SLC19A1: variants seen among roughly 807,000 people sequenced by gnomAD.
The protein encoded by SLC19A1 is solute carrier family 19 member 1.
A neutral mutation model predicts 35.3 loss-of-function variants in SLC19A1; 37 were observed. The ratio of observed to expected loss-of-function variants is 1.05; its 90% CI spans 0.81 to 1.38. SLC19A1 has a LOEUF of 1.38. SLC19A1 is among the 40% of genes most tolerant of loss of function. The pLI, the probability that SLC19A1 is intolerant of heterozygous loss-of-function variation, is 0.00. For synonymous variants in SLC19A1, 460 were observed against 398.5 expected, an observed-to-expected ratio of 1.15 and a Z score of -1.84; for missense variants, 831 against 826.9, an observed-to-expected ratio of 1.00 and a Z score of -0.06.
At chr21:45,521,973 A>T (rs1055781212) in intron 5 of SLC19A1, among the ~76,000 whole-genome samples, 1 of 152,230 alleles carries the variant, frequency 6.6e-6, no homozygotes, top group African/African-American at 2.4e-5. Context: ...AAAACTGTTA[A>T]ATCAGAGCTC....
chr21:45,507,311 CCCT>C (rs1373160035), intron 3 of SLC19A1: 2 of 567,758 alleles, frequency 3.5e-6, no homozygotes, highest in African/African-American at 4.0e-5. Context: ...AGGGAGGGCA[CCCT>C]CCTGTGGGCT....
intron 1 of SLC19A1, among the ~76,000 whole-genome samples, chr21:45,553,776 ACCCCCTCCCAATCCCCCACG>A (rs2078498102): frequency 1.8e-3 from 1 of 570 alleles, no homozygotes; most frequent in South Asian, 0.056. Flanking sequence ...AGTCCCCCAC[ACCCCCTCCCAATCCCCCACG>A]CCCCCTCCCA....
intron 3 of SLC19A1, chr21:45,505,243 C>CA: frequency 6.2e-7 from 1 of 1,603,184 alleles, no homozygotes; most frequent in Non-Finnish European, 8.5e-7. Context: ...CCAGGCCCCC[C>CA]AGGGCCCCCT....
At chr21:45,557,400 G>GC (rs1411921977) in intron 1 of SLC19A1, among the ~76,000 whole-genome samples, 1 of 152,180 alleles carries the variant, frequency 6.6e-6, no homozygotes, top group Non-Finnish European at 1.5e-5. Context: ...CCAGGTGCTG[G>GC]CCTGTGCCTT....
chr21:45,517,188 G>A lies in SLC19A1; in HGVS notation c.1294-1048C>T, dbSNP rs2037997103. On this transcript the variant is annotated intron_variant, in intron 5 of 5. Transcript: ENST00000311124. The surrounding 1 kb of genome is among the most constrained non-coding windows in gnomAD (Gnocchi z 4.4). ...CTCAGATATTTTGAAACTGAAGAAG[G>A]CAGCAGGCTGGAAAAGACAACAGAT... Among the ~76,000 whole-genome samples the A allele has an allele frequency of 6.6e-6, 1 of 152,200 alleles. No individual in the cohort carries two copies. Among genetic ancestry groups the A allele is most frequent in the South Asian group, 2.1e-4 (1 of 4,834 alleles).
intron 1 of SLC19A1, among the ~76,000 whole-genome samples, chr21:45,549,903 C>T (rs2078449351): frequency 6.6e-6 from 1 of 152,000 alleles, no homozygotes; most frequent in Admixed American, 6.5e-5. Context: ...CCACGTAGGT[C>T]TCCATGTGAC....
chr21:45,525,161 T>G (rs1314025542), intron 5 of SLC19A1, among the ~76,000 whole-genome samples: 1 of 152,156 alleles, frequency 6.6e-6, no homozygotes, highest in Non-Finnish European at 1.5e-5. Flanking sequence ...CTGACAGTCC[T>G]CCTGCCCAGT....
intron 5 of SLC19A1, among the ~76,000 whole-genome samples, 179 bp downstream of exon 5, chr21:45,525,638 C>A (rs1232453863): frequency 6.6e-6 from 1 of 152,188 alleles, no homozygotes; most frequent in Non-Finnish European, 1.5e-5. Context: ...CTGAGCCCCG[C>A]TAGGGTCTCT....
Position 45,525,672 on chromosome 21 carries a change from T to C in SLC19A1, c.1293+145A>G. ...CTCTCACTTCCTGCTCTCGCTGGCC[T>C]GGTGTGTCCCACTGGAAGCCCCAGG... On this transcript the variant is annotated intron_variant, in intron 5 of 5. Coordinates refer to ENST00000311124, the MANE Select transcript of SLC19A1 (RefSeq NM_194255.4). 3.6e-6 allele frequency: 3 copies of C among 833,734 alleles called. No individual in the cohort carries two copies. The East Asian group carries it at 7.6e-5, about 21-fold the overall frequency. 51.6% of individuals were successfully genotyped at this position (833,734 alleles called of 1,614,324 possible).
chr21:45,507,036 G>A, intron 3 of SLC19A1: 1 of 316,264 alleles, frequency 3.2e-6, no homozygotes, highest in South Asian at 2.7e-5. Context: ...GAGGAGGCAG[G>A]GGATGGCATC....
chr21:45,531,567 C>A lies in SLC19A1; in HGVS notation c.771G>T (p.Glu257Asp), dbSNP rs1438788576. 3.7e-6 allele frequency: 6 copies of A among 1,612,368 alleles called. No individual in the cohort carries two copies. The South Asian group carries it at 6.6e-5, about 18-fold the overall frequency. ...GDSVLARMLR[E>D]LGDSLRRPQL... is the part of the protein sequence containing the mutation. ...GCGGCCGCCGCAGGCTGTCCCCCAG[C>A]TCCCGCAGCATCCGCGCCAGCACTG... The change falls in exon 3 of 6, where the codon GAG (glutamate) becomes GAT (aspartate). Residue 257 changes from glutamate to aspartate, a missense_variant. By Grantham distance (45) the Glu-to-Asp change is conservative. Coordinates refer to ENST00000311124, the MANE Select transcript of SLC19A1 (RefSeq NM_194255.4).
At chr21:45,551,655 T>C (rs2078467509) in intron 1 of SLC19A1, among the ~76,000 whole-genome samples, 1 of 152,258 alleles carries the variant, frequency 6.6e-6, no homozygotes, top group African/African-American at 2.4e-5. Context: ...AAGCAGGTAT[T>C]CATTTTGTGA....
chr21:45,551,061 G>C (rs892717994), intron 1 of SLC19A1, among the ~76,000 whole-genome samples: 1 of 150,844 alleles, frequency 6.6e-6, no homozygotes, highest in African/African-American at 2.4e-5. Context: ...CACAGTCCCA[G>C]CTACGCCTGG....
chr21:45,538,909 G>A (rs958296302), intron 1 of SLC19A1, among the ~76,000 whole-genome samples: 6 of 152,202 alleles, frequency 3.9e-5, no homozygotes, highest in African/African-American at 1.4e-4. Flanking sequence ...GCCAGGGCAC[G>A]TGGTGGAGCA....
chr21:45,530,680 G>A lies in SLC19A1; in HGVS notation c.1151+90C>T, dbSNP rs2146345164. On this transcript the variant is annotated intron_variant, in intron 4 of 5. Transcript: ENST00000311124. This position sits in a 1 kb window ranked among gnomAD's most constrained non-coding sequence, Gnocchi z 5.3. ...GGCCAGCAGTGGCACAGCCGCTGGG[G>A]CGCAGCAGGAAGGTGGGAGCACCCA... The A allele has an allele frequency of 8.9e-6, 12 of 1,352,124 alleles. No individual in the cohort carries two copies. The highest frequency in any genetic ancestry group is 1.2e-5 in the Non-Finnish European group (12 of 986,894). 83.8% of individuals were successfully genotyped at this position (1,352,124 alleles called of 1,614,324 possible).
At chr21:45,510,975 A>AACC, downstream of SLC19A1, 1 of 34,726 alleles carries the variant, frequency 2.9e-5, no homozygotes, top group Non-Finnish European at 5.7e-5. Flanking sequence ...ACCCCCAAAC[A>AACC]CCCCCCACAC....
At chr21:45,545,599 C>G (rs567603943), upstream of SLC19A1, among the ~76,000 whole-genome samples, 88 of 152,268 alleles carry the variant, frequency 5.8e-4, no homozygotes, top group Middle Eastern at 6.8e-3. Context: ...CATACGTACA[C>G]ACACGTACAG....
At position 45,504,475 on chromosome 21, in the gene SLC19A1, C is replaced by T. The variant is rs11544971; in HGVS notation, c.498-5863G>A. ...AAGGCGAAAGGGGGGAGCCCGGGGG[C>T]GGCGGTTTCTTCGGCTCCAGCCTGC... On this transcript the variant is annotated intron_variant, in intron 3 of 4. Transcript: ENST00000417954. The T allele has an allele frequency of 0.016, 25,554 of 1,606,552 alleles. 238 individuals are homozygous for T. The highest frequency in any genetic ancestry group is 0.018 in the Non-Finnish European group (20,771 of 1,177,244).
chr21:45,510,202 G>A (rs1382539937), downstream of SLC19A1: 3 of 1,603,092 alleles, frequency 1.9e-6, no homozygotes, highest in Admixed American at 1.7e-5. Flanking sequence ...GCGCCTGCAG[G>A]ACCTGTACAG....
Sources: allele counts gnomAD v4.1 joint callset (sites outside exome capture counted in the v4.1 genomes callset), GRCh38; gene constraint gnomAD v4.1.1; non-coding constraint Gnocchi (gnomAD v3.1); transcripts MANE v1.5; gene names NCBI Gene and HGNC (gene_info 2026-07-23, HGNC 2026-07-21).